Variants in CPLANE1 observed in about 807,000 individuals in gnomAD.
The protein encoded by CPLANE1 is ciliogenesis and planar polarity effector complex subunit 1.
In CPLANE1, 263 loss-of-function variants were observed where a neutral mutation model predicts 362.5. The observed-to-expected ratio is 0.73, with a 90% CI of 0.66 to 0.80. The LOEUF (loss-of-function observed/expected upper bound fraction) is 0.80, where lower values mean the gene tolerates loss of function less well. Ranked by LOEUF, CPLANE1 falls within the 30% of genes least tolerant of loss-of-function variation. The pLI is 0.00. For missense variants in CPLANE1, 3,461 were observed against 3,793.4 expected (o/e 0.91, Z 2.30); for synonymous variants, 1,212 against 1,302.6 (o/e 0.93, Z 1.50).
chr5:37,185,515 T>C (rs1427323163), intron 24 of CPLANE1, among the ~76,000 whole-genome samples: 2 of 151,922 alleles, frequency 1.3e-5, no homozygotes, highest in African/African-American at 4.8e-5. Context: ...TAAGAAACAA[T>C]AGCAAGGGAA....
At chr5:37,214,151 T>C (rs1017109219) in intron 15 of CPLANE1, among the ~76,000 whole-genome samples, 11 of 152,140 alleles carry the variant, frequency 7.2e-5, no homozygotes, top group Non-Finnish European at 1.6e-4. Context: ...AAAATACATA[T>C]AAACTATAAA....
intron 37 of CPLANE1, among the ~76,000 whole-genome samples, chr5:37,163,059 A>G (rs1777280448): frequency 6.6e-6 from 1 of 152,180 alleles, no homozygotes; most frequent in South Asian, 2.1e-4. Flanking sequence ...ACTGTTGAGG[A>G]CTCTGCACGT....
At chr5:37,104,633 T>A (rs1441934330), downstream of CPLANE1, among the ~76,000 whole-genome samples, 1 of 147,910 alleles carries the variant, frequency 6.8e-6, no homozygotes, top group Non-Finnish European at 1.5e-5. Context: ...CAGCCGGGCA[T>A]GGTGGCTCAT....
At chr5:37,117,250 A>G (rs1761271888) in intron 50 of CPLANE1, among the ~76,000 whole-genome samples, 1 of 151,618 alleles carries the variant, frequency 6.6e-6, no homozygotes, top group Admixed American at 6.6e-5. Flanking sequence ...CATCTGTTCA[A>G]CATGAGGGGT....
chr5:37,149,682 G>A (rs1189517818), intron 42 of CPLANE1, among the ~76,000 whole-genome samples: 1 of 152,096 alleles, frequency 6.6e-6, no homozygotes, highest in African/African-American at 2.4e-5. Flanking sequence ...TGTAATCAAA[G>A]TTATATGAAT....
chr5:37,077,588 TTG>T, the CPLANE1 span, among the ~76,000 whole-genome samples: 373 of 145,594 alleles, frequency 2.6e-3, no homozygotes, highest in Non-Finnish European at 4.5e-3. Context: ...ATCAAGAAAC[TTG>T]TGTGTGTGTG....
Position 37,169,024 on chromosome 5 carries a change from C to G in CPLANE1, c.7000G>C (p.Val2334Leu). The G allele has an allele frequency of 6.2e-7, 1 of 1,614,140 alleles. No homozygotes were observed. Among genetic ancestry groups the G allele is most frequent in the Non-Finnish European group, 8.5e-7 (1 of 1,180,026 alleles). Residue 2334 changes from valine to leucine, a missense_variant, in exon 34 of 53, where the codon GTG becomes CTG. This residue lies in a region of CPLANE1 where 3,380 missense variants were observed against 3,666.1 expected (regional missense o/e 0.92). Coordinates refer to ENST00000651892, the MANE Select transcript of CPLANE1 (RefSeq NM_001384732.1). ...ENLTPQQDSS[V>L]FIKPEKLFDV... is the part of the protein sequence containing the mutation. ...AATAGTTTTTCTGGTTTTATAAACA[C>G]TGAAGAGTCCTGTTGAGGTGTCAAA... is the stretch of plus-strand genomic sequence containing the variant.
rs1194328919 is a variant in CPLANE1 at position 37,159,205 on chromosome 5, G to A, written c.7691-860C>T. ...CGGCTCACTGCAAGCTCCGCTTCCC[G>A]GGTTCACGCCATTCTCCTGCCTCAG... On this transcript the variant is annotated intron_variant, in intron 38 of 52. Coordinates refer to ENST00000651892, the MANE Select transcript of CPLANE1 (RefSeq NM_001384732.1). Among the ~76,000 whole-genome samples, 9 of 140,056 alleles carry A rather than the reference G, an allele frequency of 6.4e-5. No individual in the cohort carries two copies. In the East Asian group the frequency reaches 8.6e-4, roughly 13 times the overall value. The allele number at this position is 140,056 out of a possible 152,430, so 91.9% of individuals were successfully genotyped here.
downstream of CPLANE1, among the ~76,000 whole-genome samples, chr5:37,103,077 T>A (rs539875943): frequency 1.1e-4 from 16 of 152,352 alleles, no homozygotes; most frequent in South Asian, 4.1e-4. Flanking sequence ...TGCTCCTATA[T>A]TGGGTGTATT....
At position 37,183,448 on chromosome 5, in the gene CPLANE1, G is replaced by A. The variant is rs1783199004; in HGVS notation, c.4733C>T (p.Thr1578Ile). 6.2e-7 allele frequency: 1 copy of A among 1,613,442 alleles called. No homozygotes were observed. Among genetic ancestry groups the A allele is most frequent in the Admixed American group, 1.7e-5 (1 of 59,956 alleles). The change falls in exon 26 of 53, where the codon ACT (threonine) becomes ATT (isoleucine). Residue 1578 changes from threonine to isoleucine, a missense_variant. By Grantham distance (89) the Thr-to-Ile change is moderately conservative (BLOSUM62 -1). Around this residue, in one of 2 missense-constraint regions of CPLANE1, gnomAD observed 3,380 missense variants for 3,666.1 expected, o/e 0.92. Coordinates refer to ENST00000651892, the MANE Select transcript of CPLANE1 (RefSeq NM_001384732.1). ...TTCTCTAAGCTTTCCAGAAAAACTA[G>A]TTAGAAATGGAATGTCAGCATCCCT... Reference protein sequence around the residue: ...YSRDADIPFLTSFSGKLREHE... With the variant: ...YSRDADIPFLISFSGKLREHE...
At chr5:37,082,704 C>G in the CPLANE1 span, among the ~76,000 whole-genome samples, 2 of 150,690 alleles carry the variant, frequency 1.3e-5, no homozygotes, top group Non-Finnish European at 2.9e-5. Flanking sequence ...CTTATTTCAC[C>G]TATAATGACA....
rs753019477 is a variant in CPLANE1, at chr5:37,179,328, A to G, written c.5820+33T>C. 1.4e-5 allele frequency: 18 copies of G among 1,288,740 alleles called. No homozygotes were observed. The Admixed American group carries it at 3.5e-4, about 25-fold the overall frequency. 79.8% of individuals were successfully genotyped at this position (1,288,740 alleles called of 1,614,324 possible). ...ATTTAAACACTATACAAAATGAAAGAAGAATAATTATATCCACTATTTATT... is the reference window on the plus strand; with the variant it reads ...ATTTAAACACTATACAAAATGAAAGGAGAATAATTATATCCACTATTTATT... On this transcript the variant is annotated intron_variant, in intron 29 of 52. Transcript: ENST00000651892.
chr5:37,204,514 A>G (rs949821982), intron 18 of CPLANE1, among the ~76,000 whole-genome samples: 3 of 152,182 alleles, frequency 2.0e-5, no homozygotes, highest in African/African-American at 7.2e-5. Context: ...TTTTCAAATA[A>G]AAAAGATCTA....
At chr5:37,138,263 G>A (rs1455324089) in intron 46 of CPLANE1, among the ~76,000 whole-genome samples, 3 of 152,074 alleles carry the variant, frequency 2.0e-5, no homozygotes, top group Admixed American at 2.0e-4. Flanking sequence ...AAGTCTTCTT[G>A]TTGAATTGAA....
At chr5:37,221,776 G>A (rs1795408492) in intron 14 of CPLANE1, among the ~76,000 whole-genome samples, 2 of 151,800 alleles carry the variant, frequency 1.3e-5, no homozygotes, top group Non-Finnish European at 2.9e-5. Flanking sequence ...CAGTTGTCAG[G>A]GGCTCCTATC....
chr5:37,149,697 T>C (rs1198125080), intron 42 of CPLANE1, among the ~76,000 whole-genome samples: 1 of 152,198 alleles, frequency 6.6e-6, no homozygotes, highest in Non-Finnish European at 1.5e-5. Flanking sequence ...ATGAATGTGT[T>C]TTTTTTCTGT....
chr5:37,159,418 C>T (rs1319524453), intron 38 of CPLANE1, among the ~76,000 whole-genome samples: 2 of 152,242 alleles, frequency 1.3e-5, no homozygotes, highest in African/African-American at 4.8e-5. Context: ...GCCTAATTCA[C>T]ATTCTTTAAA....
At chr5:37,146,463 C>T (rs916039144) in intron 43 of CPLANE1, among the ~76,000 whole-genome samples, 2 of 152,254 alleles carry the variant, frequency 1.3e-5, no homozygotes, top group East Asian at 1.9e-4. Flanking sequence ...AGGTGTGAGC[C>T]ACCACGCCCG....
At chr5:37,210,376 T>C in intron 16 of CPLANE1, 1 of 1,083,574 alleles carries the variant, frequency 9.2e-7, no homozygotes, top group Non-Finnish European at 1.4e-6. Flanking sequence ...ATAAAGAGTT[T>C]TGAGAAGACC....
Sources: allele counts gnomAD v4.1 joint callset (sites outside exome capture counted in the v4.1 genomes callset), GRCh38; gene constraint gnomAD v4.1.1; regional missense constraint gnomAD v4.1.1; transcripts MANE v1.5; gene names NCBI Gene and HGNC (gene_info 2026-07-23, HGNC 2026-07-21).